PTPRD: variants seen among roughly 807,000 people sequenced by gnomAD.
PTPRD encodes protein tyrosine phosphatase receptor type D, also known as receptor-type tyrosine-protein phosphatase delta.
In PTPRD, 34 loss-of-function variants were observed where a neutral mutation model predicts 214.5. The ratio of observed to expected loss-of-function variants is 0.16; its 90% CI spans 0.12 to 0.21. PTPRD has a LOEUF of 0.21. PTPRD is among the 10% of genes least tolerant of loss of function. The pLI, the probability that PTPRD is intolerant of heterozygous loss-of-function variation, is 1.00. For synonymous variants in PTPRD, 1,128 were observed against 845.7 expected (o/e 1.33, Z -5.79); for missense variants, 2,545 against 2,398.7 (o/e 1.06, Z -1.27).
rs10977634 is a variant in PTPRD, at chr9:9,275,136, A to T, written c.-202-91773T>A. Among the ~76,000 whole-genome samples the T allele has an allele frequency of 3.7e-4, 19 of 51,250 alleles. 2 individuals carry two copies. In the Admixed American group the frequency reaches 6.3e-3, roughly 17 times the overall value. 33.6% of individuals were successfully genotyped at this position (51,250 alleles called of 152,430 possible). ...TATATATATTATATATATTATATAT[A>T]ATATATATATAATATATTATATATA... On this transcript the variant is annotated intron_variant, in intron 9 of 45. Transcript: ENST00000381196.
At chr9:9,962,942 G>C (rs942478799) in intron 4 of PTPRD, among the ~76,000 whole-genome samples, 18 of 151,924 alleles carry the variant, frequency 1.2e-4, no homozygotes, top group African/African-American at 1.7e-4. Flanking sequence ...AATATAATGG[G>C]AGTCTGCTGT....
At chr9:10,267,341 T>C (rs2094139783) in intron 3 of PTPRD, among the ~76,000 whole-genome samples, 1 of 152,180 alleles carries the variant, frequency 6.6e-6, no homozygotes. Context: ...CACTAGCGTC[T>C]TGACACTAAG....
At chr9:8,709,630 C>A (rs1386297832) in intron 12 of PTPRD, among the ~76,000 whole-genome samples, 1 of 151,740 alleles carries the variant, frequency 6.6e-6, no homozygotes, top group East Asian at 1.9e-4. Context: ...GGCTACTTAG[C>A]CAAATTTAGT....
intron 3 of PTPRD, among the ~76,000 whole-genome samples, chr9:10,139,664 C>A (rs765797567): frequency 6.6e-6 from 1 of 151,948 alleles, no homozygotes; most frequent in African/African-American, 2.4e-5. Context: ...GGAACCAAAC[C>A]ATCACAAGGC....
At chr9:9,624,563 C>T (rs1418468323) in intron 7 of PTPRD, among the ~76,000 whole-genome samples, 1 of 152,038 alleles carries the variant, frequency 6.6e-6, no homozygotes, top group African/African-American at 2.4e-5. Flanking sequence ...GCTAGGATTA[C>T]AGGTATGAGC....
intron 4 of PTPRD, among the ~76,000 whole-genome samples, chr9:9,990,508 T>C (rs1327793683): frequency 6.6e-6 from 1 of 152,312 alleles, no homozygotes; most frequent in East Asian, 1.9e-4. Context: ...ATTCCAGGCA[T>C]GACTGTGCCC....
chr9:9,924,728 T>C (rs2083671702), intron 5 of PTPRD, among the ~76,000 whole-genome samples: 1 of 152,116 alleles, frequency 6.6e-6, no homozygotes, highest in Non-Finnish European at 1.5e-5. Context: ...GTCCTTCGTA[T>C]CTCTAAAAAT....
intron 35 of PTPRD, among the ~76,000 whole-genome samples, chr9:8,411,397 G>A (rs1023002172): frequency 5.9e-5 from 9 of 151,718 alleles, no homozygotes; most frequent in East Asian, 1.9e-4. Context: ...TCTGCCTCCC[G>A]GGTTCAAGCA....
At chr9:9,709,930 C>T (rs988565887) in intron 7 of PTPRD, among the ~76,000 whole-genome samples, 2 of 151,916 alleles carry the variant, frequency 1.3e-5, no homozygotes, top group Non-Finnish European at 2.9e-5. Flanking sequence ...CTGCATTGTA[C>T]ACGCATTTAT....
In PTPRD at chr9:9,965,364, C is replaced by A. The variant is rs140110454; in HGVS notation, c.-471-26754G>T. Among the ~76,000 whole-genome samples the A allele has an allele frequency of 3.8e-4, 58 of 152,098 alleles. No homozygotes were observed. The East Asian group carries it at 9.7e-3, about 25-fold the overall frequency. On this transcript the variant is annotated intron_variant, in intron 4 of 45. Transcript: ENST00000381196. ...TAATGAGAGGAGAAGGCTTTCAAAA[C>A]GGAGGAGACTGGTGAGGCAGGTATA...
intron 6 of PTPRD, among the ~76,000 whole-genome samples, chr9:9,759,838 T>C (rs780279924): frequency 6.6e-6 from 1 of 152,164 alleles, no homozygotes; most frequent in African/African-American, 2.4e-5. Flanking sequence ...ATTACAGGCA[T>C]GGGCCACTGT....
At chr9:10,541,281 A>G (rs2059043998) in intron 2 of PTPRD, among the ~76,000 whole-genome samples, 1 of 152,190 alleles carries the variant, frequency 6.6e-6, no homozygotes, top group South Asian at 2.1e-4. Context: ...CAGGACAACC[A>G]AAAGGAAAGA....
In PTPRD at chr9:9,490,577, C is replaced by G. The variant is rs903061284; in HGVS notation, c.-237+84155G>C. On this transcript the variant is annotated intron_variant, in intron 8 of 45. Coordinates refer to ENST00000381196, the MANE Select transcript of PTPRD (RefSeq NM_002839.4). Reference sequence around the variant, plus strand: ...GTATAAAAATGAAATTTTGTTATATCAACAACCAAAAACAGTGGGGACATA... The same window carrying G: ...GTATAAAAATGAAATTTTGTTATATGAACAACCAAAAACAGTGGGGACATA... Among the ~76,000 whole-genome samples the G allele has an allele frequency of 1.4e-4, 22 of 151,836 alleles. 1 individual carries two copies. Among genetic ancestry groups the G allele is most frequent in the African/African-American group, 5.1e-4 (21 of 41,388 alleles).
intron 4 of PTPRD, among the ~76,000 whole-genome samples, chr9:10,031,100 C>G (rs892906737): frequency 1.3e-5 from 2 of 152,160 alleles, no homozygotes; most frequent in Non-Finnish European, 2.9e-5. Flanking sequence ...AGTATAGATA[C>G]TGTAGCGCCA....
chr9:8,418,947 G>C (rs7039560), intron 35 of PTPRD, among the ~76,000 whole-genome samples: 88,797 of 151,736 alleles, frequency 0.59, 27,076 homozygotes, highest in African/African-American at 0.74. Context: ...TGTCTGTCTG[G>C]TGATAATGTC....
chr9:10,049,875 G>C (rs1014153572), intron 3 of PTPRD, among the ~76,000 whole-genome samples: 10 of 152,164 alleles, frequency 6.6e-5, no homozygotes, highest in Non-Finnish European at 1.5e-5. Flanking sequence ...TTTGGTGTGA[G>C]ACAGTTAGTC....
Position 8,523,381 on chromosome 9 carries a change from G to A in PTPRD, c.691+132C>T. 7 of 1,053,452 alleles carry A rather than the reference G, an allele frequency of 6.6e-6. 1 individual carries two copies. In the South Asian group the frequency reaches 1.1e-4, roughly 16 times the overall value. The allele number at this position is 1,053,452 out of a possible 1,614,324, so 65.3% of individuals were successfully genotyped here. On this transcript the variant is annotated intron_variant, in intron 19 of 45. Coordinates refer to ENST00000381196, the MANE Select transcript of PTPRD (RefSeq NM_002839.4). ...GCAAGCACCAGAAGCCATGGCCAGG[G>A]CATTCTCTGCTAAAACATACCATTA...
rs151336524 is a variant in PTPRD, at chr9:9,354,175, T to G, written c.-203+43274A>C. Among the ~76,000 whole-genome samples the G allele has an allele frequency of 2.9e-3, 440 of 151,804 alleles. 8 individuals are homozygous for G. Among genetic ancestry groups the G allele is most frequent in the Admixed American group, 0.023 (354 of 15,176 alleles). On this transcript the variant is annotated intron_variant, in intron 9 of 45. Transcript: ENST00000381196. Reference sequence around the variant, plus strand: ...TATAGGCCAGTTTTACCCATGATGGTTCCTCTTTCTTAAAGTTAACTGTCC... The same window carrying G: ...TATAGGCCAGTTTTACCCATGATGGGTCCTCTTTCTTAAAGTTAACTGTCC...
chr9:8,346,214 C>T (rs772977146), intron 39 of PTPRD, among the ~76,000 whole-genome samples: 2 of 152,084 alleles, frequency 1.3e-5, no homozygotes, highest in South Asian at 4.1e-4. Flanking sequence ...TCAAACTCCA[C>T]GATTATCTTC....
Sources: gnomAD v4.1 joint callset for allele counts (sites outside exome capture counted in the v4.1 genomes callset) on GRCh38, gnomAD v4.1.1 for gene constraint, MANE v1.5 for transcripts, NCBI Gene and HGNC (gene_info 2026-07-23, HGNC 2026-07-21) for gene names.